Variants in NLRP14 observed in about 807,000 individuals in gnomAD.
NLRP14 encodes NLR family pyrin domain containing 14, also known as NACHT, LRR and PYD domains-containing protein 14.
Under a neutral mutation model 94.7 loss-of-function variants are expected in NLRP14, and 105 were observed. The ratio of observed to expected loss-of-function variants is 1.11; its 90% CI spans 0.95 to 1.30. The LOEUF is 1.30. Ranked by LOEUF, NLRP14 falls within the 50% of genes most tolerant of loss-of-function variation. The probability of loss-of-function intolerance (pLI) is 0.00; values close to 1 mark genes in which losing one functional copy is unlikely to be tolerated. For missense variants in NLRP14, 1,362 were observed against 1,254.1 expected, an observed-to-expected ratio of 1.09 and a Z score of -1.30; for synonymous variants, 508 against 459.9, an observed-to-expected ratio of 1.10 and a Z score of -1.34.
chr11:7,025,968 A>G (rs547252933), intron 1 of NLRP14, among the ~76,000 whole-genome samples: 8 of 152,230 alleles, frequency 5.3e-5, no homozygotes, highest in Non-Finnish European at 1.0e-4. Context: ...GTATATATAG[A>G]AACCTTATAA....
chr11:7,025,247 TG>T (rs1210765897), intron 1 of NLRP14, among the ~76,000 whole-genome samples: 2 of 152,120 alleles, frequency 1.3e-5, no homozygotes, highest in African/African-American at 4.8e-5. Flanking sequence ...TTTGTAATGT[TG>T]GAAGCTAAAA....
chr11:7,058,544 C>A, intron 8 of NLRP14, 94 bp downstream of exon 8: 2 of 963,716 alleles, frequency 2.1e-6, no homozygotes, highest in South Asian at 1.4e-5. Context: ...CTGTCCCTTG[C>A]TTTTTCCCTG....
intron 6 of NLRP14, among the ~76,000 whole-genome samples, chr11:7,056,139 T>C (rs943598845): frequency 1.3e-5 from 2 of 151,884 alleles, no homozygotes; most frequent in Admixed American, 1.3e-4. Flanking sequence ...TTTATACATG[T>C]GAGAGGAGAG....
At chr11:7,078,952 T>C in the NLRP14 span, among the ~76,000 whole-genome samples, 1 of 152,074 alleles carries the variant, frequency 6.6e-6, no homozygotes, top group Admixed American at 6.5e-5. Flanking sequence ...AGGAACAAAG[T>C]AAGGGTCCCA....
intron 3 of NLRP14, 132 bp from the exon 4 acceptor site, chr11:7,042,256 A>G: frequency 1.5e-6 from 1 of 661,848 alleles, no homozygotes; most frequent in Non-Finnish European, 2.6e-6. Flanking sequence ...AATCAAAACC[A>G]GCTCTGATTT....
the NLRP14 span, among the ~76,000 whole-genome samples, chr11:7,085,873 G>A: frequency 6.6e-6 from 1 of 152,126 alleles, no homozygotes; most frequent in Non-Finnish European, 1.5e-5. Flanking sequence ...TGATCCTCTG[G>A]TGGCTGAATC....
rs777138236 is a variant in NLRP14, at chr11:7,042,527, T to C, written c.501T>C (p.Asp167=). Residue 167 remains aspartate, a synonymous_variant, in exon 4 of 12, where the codon GAT becomes GAC. Coordinates refer to ENST00000299481, the MANE Select transcript of NLRP14 (RefSeq NM_176822.4). ...KDRKLLEHLF[D]VDVKTGAQPQ... ...GAAAACTGTTGGAACACTTGTTCGA[T>C]GTGGATGTCAAAACCGGTGCACAGC... The C allele has an allele frequency of 1.2e-6, 2 of 1,614,216 alleles. No individual in the cohort carries two copies. Among genetic ancestry groups the C allele is most frequent in the South Asian group, 2.2e-5 (2 of 91,080 alleles).
At chr11:7,051,300 G>C (rs1297525806) in intron 6 of NLRP14, among the ~76,000 whole-genome samples, 1 of 152,192 alleles carries the variant, frequency 6.6e-6, no homozygotes, top group Non-Finnish European at 1.5e-5. Context: ...AACATTTCGT[G>C]TGGGAGAAGG....
the NLRP14 span, chr11:7,090,306 A>AAAAAAAAG: frequency 6.3e-7 from 1 of 1,586,334 alleles, no homozygotes; most frequent in East Asian, 2.3e-5. Context: ...CTAAGCAGGA[A>AAAAAAAAG]CAGACTTGGG....
chr11:7,022,576 T>G (rs1000368892), intron 1 of NLRP14, among the ~76,000 whole-genome samples: 8 of 152,204 alleles, frequency 5.3e-5, no homozygotes, highest in African/African-American at 1.7e-4. Context: ...ACCTAAAACT[T>G]GGTGGTTTTC....
In NLRP14 at chr11:7,042,513, G is replaced by T; in HGVS notation, c.487G>T (p.Glu163Ter). ...TGCAGAGAAAGATAGAAAACTGTTG[G>T]AACACTTGTTCGATGTGGATGTCAA... is the stretch of plus-strand genomic sequence containing the variant. ...GIAEKDRKLL[E>*]HLFDVDVKTG... Residue 163 changes from glutamate (E) to a stop codon, truncating the protein, a stop_gained, in exon 4 of 12, where the codon GAA (glutamate) becomes TAA (stop). Coordinates refer to ENST00000299481, the MANE Select transcript of NLRP14 (RefSeq NM_176822.4). LOFTEE classifies it high-confidence loss of function. The T allele has an allele frequency of 1.2e-6, 2 of 1,614,160 alleles. No homozygotes were observed. The highest frequency in any genetic ancestry group is 1.7e-6 in the Non-Finnish European group (2 of 1,179,968).
In NLRP14 at chr11:7,045,995, C is replaced by T. The variant is rs567988539; in HGVS notation, c.1959-673C>T. Among the ~76,000 whole-genome samples the T allele has an allele frequency of 3.9e-5, 6 of 152,160 alleles. No individual in the cohort carries two copies. In the South Asian group the frequency reaches 6.2e-4, roughly 16 times the overall value. ...TTGGGACTCAGAGCCGCTCCATTGT[C>T]GAGCTTATAAACACCAGGTTGTCCC... On this transcript the variant is annotated intron_variant, in intron 4 of 11. Transcript: ENST00000299481.
chr11:7,087,420 C>A, the NLRP14 span, among the ~76,000 whole-genome samples: 86,690 of 152,030 alleles, frequency 0.57, 26,001 homozygotes, highest in East Asian at 0.78. Flanking sequence ...AATAAATGCC[C>A]TCCTTTTTCC....
Position 7,062,321 on chromosome 11 carries a change from T to C in NLRP14, c.2805-12T>C, listed in dbSNP as rs1449987259. The C allele has an allele frequency of 6.2e-7, 1 of 1,609,904 alleles. No individual in the cohort carries two copies. The highest frequency in any genetic ancestry group is 2.2e-5 in the East Asian group (1 of 44,836). On this transcript the variant is annotated splice_polypyrimidine_tract_variant and intron_variant, in intron 9 of 11. Transcript: ENST00000299481. Reference sequence around the variant, plus strand: ...ATGGAAGGATTCACTTTTCCTATTGTAATTCTTACAGATTGATGGGCTGTG... The same window carrying C: ...ATGGAAGGATTCACTTTTCCTATTGCAATTCTTACAGATTGATGGGCTGTG...
intron 4 of NLRP14, among the ~76,000 whole-genome samples, chr11:7,045,623 T>C (rs1391081283): frequency 1.3e-5 from 2 of 152,144 alleles, no homozygotes; most frequent in African/African-American, 4.8e-5. Context: ...AGACCTCAAG[T>C]GATATAGACC....
At chr11:7,090,422 C>A in the NLRP14 span, 2 of 1,254,558 alleles carry the variant, frequency 1.6e-6, no homozygotes, top group Non-Finnish European at 2.3e-6. Flanking sequence ...TTAAGAATTT[C>A]CTGTTAAGAT....
Position 7,046,806 on chromosome 11 carries a change from C to A in NLRP14, c.2097C>A (p.His699Gln), listed in dbSNP as rs768115357. 44 of 1,613,418 alleles carry A rather than the reference C, an allele frequency of 2.7e-5. 1 individual carries two copies. The South Asian group carries it at 4.2e-4, about 15-fold the overall frequency. ...AMNILHHELR[H>Q]PNCKLQKLLL... ...ATATCCTGCATCATGAACTAAGGCA[C>A]CCAAACTGTAAACTACAAAAGCTAC... The change falls in exon 5 of 12, where the codon CAC becomes CAA. Residue 699 changes from histidine (H) to glutamine (Q), a missense_variant. His to Gln is a conservative substitution (Grantham distance 24). Coordinates refer to ENST00000299481, the MANE Select transcript of NLRP14 (RefSeq NM_176822.4).
chr11:7,024,212 A>G (rs940875600), intron 1 of NLRP14, among the ~76,000 whole-genome samples: 12 of 152,222 alleles, frequency 7.9e-5, no homozygotes, highest in Non-Finnish European at 1.5e-4. Flanking sequence ...AAATCCTACA[A>G]ATATTTCCAG....
At chr11:7,026,995 C>A (rs1046830604) in intron 1 of NLRP14, among the ~76,000 whole-genome samples, 18 of 152,010 alleles carry the variant, frequency 1.2e-4, no homozygotes, top group African/African-American at 4.3e-4. Context: ...GCAAAGAGAA[C>A]TTCCATACCC....
Sources: gnomAD v4.1 joint callset for allele counts (sites outside exome capture counted in the v4.1 genomes callset) on GRCh38, gnomAD v4.1.1 for gene constraint, MANE v1.5 for transcripts, NCBI Gene and HGNC (gene_info 2026-07-23, HGNC 2026-07-21) for gene names.